AFF3: variants seen among roughly 807,000 people sequenced by gnomAD.
AFF3 encodes AF4/FMR2 family member 3.
In AFF3, 32 loss-of-function variants were observed where a neutral mutation model predicts 129.7. The observed-to-expected ratio is 0.25, with a 90% CI of 0.19 to 0.33. The LOEUF is 0.33. Ranked by LOEUF, AFF3 falls within the 10% of genes least tolerant of loss-of-function variation. AFF3 has a pLI of 1.00. For missense variants in AFF3, 1,373 were observed against 1,592.0 expected, an observed-to-expected ratio of 0.86 and a Z score of 2.34; for synonymous variants, 644 against 635.4, an observed-to-expected ratio of 1.01 and a Z score of -0.20.
At chr2:99,790,913 T>C (rs928169493) in intron 8 of AFF3, among the ~76,000 whole-genome samples, 1 of 152,048 alleles carries the variant, frequency 6.6e-6, no homozygotes, top group African/African-American at 2.4e-5. Flanking sequence ...CCATGGCAAA[T>C]AAACAATGGA....
chr2:100,055,474 AAAAAGAAAAG>A (rs957451039), intron 4 of AFF3, among the ~76,000 whole-genome samples: 5 of 151,548 alleles, frequency 3.3e-5, no homozygotes, highest in Admixed American at 2.0e-4. Flanking sequence ...AAAAAAAAAA[AAAAAGAAAAG>A]AAAAGAAAAG....
chr2:99,911,366 C>A (rs1458381832), intron 7 of AFF3, among the ~76,000 whole-genome samples: 7 of 148,824 alleles, frequency 4.7e-5, no homozygotes, highest in African/African-American at 1.5e-4. Context: ...CCAGCCTGGG[C>A]AACAGAGTGA....
chr2:99,923,982 A>G (rs1315529526), intron 7 of AFF3, among the ~76,000 whole-genome samples: 1 of 152,202 alleles, frequency 6.6e-6, no homozygotes, highest in Non-Finnish European at 1.5e-5. Flanking sequence ...AGAATGGACA[A>G]GAGAGAATCT....
At chr2:99,993,221 G>A (rs555656918) in intron 7 of AFF3, among the ~76,000 whole-genome samples, 1 of 152,294 alleles carries the variant, frequency 6.6e-6, no homozygotes, top group South Asian at 2.1e-4. Context: ...ACAGCCCCAT[G>A]CTCTAATTAA....
chr2:99,976,662 C>A (rs778280454), intron 7 of AFF3, among the ~76,000 whole-genome samples: 1 of 152,292 alleles, frequency 6.6e-6, no homozygotes, highest in Middle Eastern at 3.4e-3. Flanking sequence ...TTCCAGCCCC[C>A]ACTAAAACGG....
Position 100,130,965 on chromosome 2 carries a change from T to A in AFF3, c.-227-1659A>T, listed in dbSNP as rs1024341999. Among the ~76,000 whole-genome samples the A allele has an allele frequency of 1.3e-5, 2 of 152,188 alleles. 1 individual carries two copies. The highest frequency in any genetic ancestry group is 4.1e-4 in the South Asian group (2 of 4,834). ...AGGCCAGACAACAATAAAGATTGAA[T>A]AATAGACTCATAAAATTAATGGTCA... On this transcript the variant is annotated intron_variant, in intron 1 of 24. Coordinates refer to ENST00000672756, the MANE Select transcript of AFF3 (RefSeq NM_001386135.1).
At chr2:99,698,087 C>G (rs1457630738) in intron 11 of AFF3, among the ~76,000 whole-genome samples, 1 of 152,114 alleles carries the variant, frequency 6.6e-6, no homozygotes, top group Non-Finnish European at 1.5e-5. Flanking sequence ...TATGTTGTTC[C>G]TGAACCTAAT....
chr2:100,106,212 G>A, intron 2 of AFF3: 1 of 1,185,682 alleles, frequency 8.4e-7, no homozygotes, highest in Non-Finnish European at 1.1e-6. Context: ...TGTGCAAAAT[G>A]TAAAACGCTA....
intron 12 of AFF3, among the ~76,000 whole-genome samples, chr2:99,668,707 C>CT (rs200442971): frequency 0.059 from 9,006 of 151,854 alleles, 876 homozygotes; most frequent in African/African-American, 0.2. Flanking sequence ...GGATTACAGG[C>CT]ACATGCACCA....
chr2:99,626,797 T>C lies in AFF3; in HGVS notation c.1184+22829A>G, dbSNP rs143399733. ...TATGTGTCCATGTGTTTTCATCGTT[T>C]AGCTTTCACTTGTAAGTGAGAACAT... On this transcript the variant is annotated intron_variant, in intron 13 of 24. Transcript: ENST00000672756. 3.4e-3 allele frequency among the ~76,000 whole-genome samples: 515 copies of C among 152,296 alleles called. 1 individual carries two copies. Among genetic ancestry groups the C allele is most frequent in the Non-Finnish European group, 5.6e-3 (380 of 68,028 alleles).
At chr2:99,989,135 T>C (rs1315549818) in intron 7 of AFF3, among the ~76,000 whole-genome samples, 4 of 152,356 alleles carry the variant, frequency 2.6e-5, no homozygotes, top group South Asian at 4.1e-4. Flanking sequence ...AAGCCTGCTC[T>C]ACAGAAAAGG....
chr2:99,776,894 T>C (rs1260479026), intron 8 of AFF3, among the ~76,000 whole-genome samples: 1 of 152,174 alleles, frequency 6.6e-6, no homozygotes, highest in Admixed American at 6.5e-5. Flanking sequence ...CCAGGATCAC[T>C]GTCTACATGA....
chr2:99,949,809 G>A (rs1425631416), intron 7 of AFF3, among the ~76,000 whole-genome samples: 2 of 152,182 alleles, frequency 1.3e-5, no homozygotes, highest in African/African-American at 2.4e-5. Flanking sequence ...ACAGGCCACT[G>A]ACCAGTAGCG....
At chr2:99,953,889 G>T (rs1256764858) in intron 7 of AFF3, among the ~76,000 whole-genome samples, 3 of 152,166 alleles carry the variant, frequency 2.0e-5, no homozygotes, top group African/African-American at 7.2e-5. Context: ...TCTCTGGCAT[G>T]TTCCTTTGAT....
rs867064672 is a variant in AFF3 at position 99,867,575 on chromosome 2, T to A, written c.874-30051A>T. Among the ~76,000 whole-genome samples the A allele has an allele frequency of 1.4e-4, 14 of 98,252 alleles. No homozygotes were observed. The East Asian group carries it at 1.7e-3, about 12-fold the overall frequency. 64.5% of individuals were successfully genotyped at this position (98,252 alleles called of 152,430 possible). ...TCTCCCCAAGGCCTATATTTCTATA[T>A]TAAAAAAAAAAAAAAAAACATAGCT... On this transcript the variant is annotated intron_variant, in intron 7 of 24. Coordinates refer to ENST00000672756, the MANE Select transcript of AFF3 (RefSeq NM_001386135.1).
rs552846001 is a variant in AFF3, at chr2:99,882,849, C to T, written c.874-45325G>A. On this transcript the variant is annotated intron_variant, in intron 7 of 24. Coordinates refer to ENST00000672756, the MANE Select transcript of AFF3 (RefSeq NM_001386135.1). Reference sequence around the variant, plus strand: ...AATTTCCCAGTAATGCACATTTTGACGGGCACATCAATTGGTTTATGATGT... The same window carrying T: ...AATTTCCCAGTAATGCACATTTTGATGGGCACATCAATTGGTTTATGATGT... Among the ~76,000 whole-genome samples the T allele has an allele frequency of 4.6e-5, 7 of 152,286 alleles. No individual in the cohort carries two copies. The East Asian group carries it at 7.7e-4, about 17-fold the overall frequency.
intron 11 of AFF3, among the ~76,000 whole-genome samples, chr2:99,703,792 C>T (rs1677103325): frequency 6.6e-6 from 1 of 152,186 alleles, no homozygotes; most frequent in Admixed American, 6.5e-5. Context: ...CACATCTGGC[C>T]TCAAGCAATG....
At chr2:100,049,823 T>C (rs1242646448) in intron 4 of AFF3, among the ~76,000 whole-genome samples, 1 of 151,994 alleles carries the variant, frequency 6.6e-6, no homozygotes, top group African/African-American at 2.4e-5. Context: ...AAACTAGGAG[T>C]ACTCCTCATA....
At chr2:100,014,057 G>A (rs1046781267) in intron 4 of AFF3, among the ~76,000 whole-genome samples, 9 of 151,680 alleles carry the variant, frequency 5.9e-5, no homozygotes, top group Non-Finnish European at 1.3e-4. Flanking sequence ...AGCCAGGGGG[G>A]GATGACCTCC....
Sources: gnomAD v4.1 joint callset for allele counts (sites outside exome capture counted in the v4.1 genomes callset) on GRCh38, gnomAD v4.1.1 for gene constraint, MANE v1.5 for transcripts, NCBI Gene and HGNC (gene_info 2026-07-23, HGNC 2026-07-21) for gene names.